Variants in HECTD4 observed in about 807,000 individuals in gnomAD.
The protein encoded by HECTD4 is HECT domain E3 ubiquitin protein ligase 4.
In HECTD4, 114 loss-of-function variants were observed where a neutral mutation model predicts 471.5. That is an observed-to-expected ratio of 0.24 (90% CI 0.21 to 0.28). The LOEUF is 0.28. Ranked by LOEUF, HECTD4 falls within the 10% of genes least tolerant of loss-of-function variation. The probability of loss-of-function intolerance (pLI) is 1.00; values close to 1 mark genes in which losing one functional copy is unlikely to be tolerated. For missense variants in HECTD4, 3,866 were observed against 5,651.5 expected (o/e 0.68, Z 10.13); for synonymous variants, 2,012 against 2,256.0 (o/e 0.89, Z 3.07).
In HECTD4 at chr12:112,256,396, G is replaced by A. The variant is rs779940488; in HGVS notation, c.3251C>T (p.Thr1084Met). The change falls in exon 21 of 76, where the codon ACG (threonine) becomes ATG (methionine). Residue 1084 changes from threonine (T) to methionine (M), a missense_variant. Around this residue, in one of 16 missense-constraint regions of HECTD4, gnomAD observed 281 missense variants for 499.9 expected, o/e 0.56. Transcript: ENST00000682272. ...PVRDNYKFKE[T>M]VHIPGARCLY... ...GCAGCGAGCTCCTGGGATATGGACC[G>A]TTTCTTTAAATTTATAGTTGTCTCT... The A allele has an allele frequency of 3.1e-6, 5 of 1,612,850 alleles. No individual in the cohort carries two copies. The South Asian group carries it at 3.3e-5, about 11-fold the overall frequency.
intron 1 of HECTD4, among the ~76,000 whole-genome samples, chr12:112,379,041 CA>C (rs927070584): frequency 7.5e-5 from 10 of 133,430 alleles, no homozygotes; most frequent in Non-Finnish European, 8.1e-5. Context: ...GACTCCGTCT[CA>C]AAAAAAAAAA....
At chr12:112,374,677 A>G (rs1594085640) in intron 1 of HECTD4, among the ~76,000 whole-genome samples, 1 of 152,308 alleles carries the variant, frequency 6.6e-6, no homozygotes. Flanking sequence ...AAGTACATAA[A>G]CACTTTCCAA....
Position 112,163,172 on chromosome 12 carries a change from C to G in HECTD4, c.12990G>C (p.Leu4330=), listed in dbSNP as rs371880099. ...TGCAGGCAAACTTGATGAACTTGCA[C>G]AGCTCCTCCTGGGTGAACATCTCCA... ...GALEMFTQEE[L]CKFIKFACNQ... is the part of the protein sequence containing the mutation. Residue 4330 remains leucine, a synonymous_variant, in exon 75 of 76, where the codon CTG becomes CTC. Transcript: ENST00000682272. The surrounding 1 kb of genome is among the most constrained non-coding windows in gnomAD (Gnocchi z 8.2). 2.0e-5 allele frequency: 32 copies of G among 1,613,892 alleles called. No homozygotes were observed. The African/African-American group carries it at 3.5e-4, about 17-fold the overall frequency.
intron 9 of HECTD4, among the ~76,000 whole-genome samples, chr12:112,279,022 G>A (rs1339427000): frequency 6.6e-6 from 1 of 152,148 alleles, no homozygotes; most frequent in Non-Finnish European, 1.5e-5. Context: ...TAGGACAATA[G>A]TTTTCAAAAC....
intron 7 of HECTD4, among the ~76,000 whole-genome samples, chr12:112,294,582 T>C (rs1275360537): frequency 6.6e-6 from 1 of 152,180 alleles, no homozygotes; most frequent in Non-Finnish European, 1.5e-5. Context: ...TGTTTTCACA[T>C]CAAACCCCTG....
intron 9 of HECTD4, among the ~76,000 whole-genome samples, chr12:112,276,657 C>T (rs944957848): frequency 2.0e-5 from 3 of 152,080 alleles, no homozygotes; most frequent in South Asian, 2.1e-4. Context: ...ACGTTGGCCA[C>T]GATGGTCTCG....
rs75256229 is a variant in HECTD4, at chr12:112,330,932, GC to G, written c.178-11191del. Among the ~76,000 whole-genome samples, 212 of 152,304 alleles carry G rather than the reference GC, an allele frequency of 1.4e-3. 1 individual carries two copies. In the East Asian group the frequency reaches 0.02, roughly 15 times the overall value. ...GGACATCAGAATATGATTTAGGGCA[GC>G]TGTTCTCAATCCTGAATATTAGAAT... On this transcript the variant is annotated intron_variant, in intron 1 of 75. Transcript: ENST00000682272.
At chr12:112,314,877 C>A (rs921629601) in intron 2 of HECTD4, among the ~76,000 whole-genome samples, 6 of 152,158 alleles carry the variant, frequency 3.9e-5, no homozygotes, top group Admixed American at 3.9e-4. Context: ...TACTATATCA[C>A]CAAGTCACCC....
Position 112,162,511 on chromosome 12 carries a change from G to A in HECTD4, c.13133C>T (p.Ser4378Phe). ...PPDGTAGSPD[S>F]RYIRVETCMF... Reference sequence around the variant, plus strand: ...GCAGGTCTCCACGCGGATGTAGCGAGAGTCTGGGGAACCTACAAGAAACCG... The same window carrying A: ...GCAGGTCTCCACGCGGATGTAGCGAAAGTCTGGGGAACCTACAAGAAACCG... The change falls in exon 76 of 76, where the codon TCT becomes TTT. Residue 4378 changes from serine (S) to phenylalanine (F), a missense_variant. Physicochemically the swap from Ser to Phe is radical, Grantham distance 155. Coordinates refer to ENST00000682272, the MANE Select transcript of HECTD4 (RefSeq NM_001388303.1). This position sits in a 1 kb window ranked among gnomAD's most constrained non-coding sequence, Gnocchi z 5.2. The A allele has an allele frequency of 6.2e-7, 1 of 1,614,020 alleles. No homozygotes were observed. The highest frequency in any genetic ancestry group is 8.5e-7 in the Non-Finnish European group (1 of 1,179,888).
intron 7 of HECTD4, among the ~76,000 whole-genome samples, chr12:112,293,221 C>T (rs2034930973): frequency 6.6e-6 from 1 of 151,564 alleles, no homozygotes; most frequent in East Asian, 1.9e-4. Flanking sequence ...CAAAAATTAG[C>T]TGGGTGTGGT....
chr12:112,164,385 C>T (rs2030839294), intron 72 of HECTD4, 110 bp from the exon 73 acceptor site: 7 of 1,146,848 alleles, frequency 6.1e-6, no homozygotes, highest in East Asian at 4.8e-5. Context: ...CTACCCTCGG[C>T]CGTGTAGATG....
chr12:112,211,186 C>T (rs2032750362), intron 49 of HECTD4, among the ~76,000 whole-genome samples: 2 of 152,086 alleles, frequency 1.3e-5, no homozygotes, highest in African/African-American at 2.4e-5. Context: ...CTCATTTCTA[C>T]TAAAAATACA....
At position 112,193,543 on chromosome 12, in the gene HECTD4, C is replaced by A. The variant is rs778654106; in HGVS notation, c.8881G>T (p.Ala2961Ser). Residue 2961 changes from alanine to serine, a missense_variant, in exon 57 of 76, where the codon GCC becomes TCC. By Grantham distance (99) the Ala-to-Ser change is moderately conservative. This residue lies in a region of HECTD4 where 364 missense variants were observed against 413.2 expected (regional missense o/e 0.88). Coordinates refer to ENST00000682272, the MANE Select transcript of HECTD4 (RefSeq NM_001388303.1). This position sits in a 1 kb window ranked among gnomAD's most constrained non-coding sequence, Gnocchi z 5.2. ...SQTVREWLNV[A>S]ITRTLHQGEE... is the part of the protein sequence containing the mutation. ...CCCTGGTGCAGGGTCCGGGTGATGGCCACGTTGAGCCACTCTCTCACTGTC... is the reference window on the plus strand; with the variant it reads ...CCCTGGTGCAGGGTCCGGGTGATGGACACGTTGAGCCACTCTCTCACTGTC... 2 of 1,612,668 alleles carry A rather than the reference C, an allele frequency of 1.2e-6. No homozygotes were observed. Among genetic ancestry groups the A allele is most frequent in the Non-Finnish European group, 1.7e-6 (2 of 1,179,374 alleles).
intron 1 of HECTD4, among the ~76,000 whole-genome samples, chr12:112,343,266 G>A (rs1279663648): frequency 6.6e-6 from 1 of 152,154 alleles, no homozygotes; most frequent in East Asian, 1.9e-4. Flanking sequence ...CAGCACATAG[G>A]TAGCATTCTT....
In HECTD4 at chr12:112,364,121, T is replaced by G. The variant is rs1169180380; in HGVS notation, c.177+17831A>C. Among the ~76,000 whole-genome samples the G allele has an allele frequency of 3.3e-5, 5 of 150,784 alleles. No individual in the cohort carries two copies. The South Asian group carries it at 1.0e-3, about 32-fold the overall frequency. ...TTTCCTTCTTATCTAAAATGCAAAA[T>G]GGGCTGGGCACGGTGGCTCACGCCT... On this transcript the variant is annotated intron_variant, in intron 1 of 75. Coordinates refer to ENST00000682272, the MANE Select transcript of HECTD4 (RefSeq NM_001388303.1).
chr12:112,252,984 A>T (rs2033927080), intron 22 of HECTD4, among the ~76,000 whole-genome samples: 1 of 147,308 alleles, frequency 6.8e-6, no homozygotes, highest in Admixed American at 6.8e-5. Flanking sequence ...TAATTTTTTT[A>T]TTTTTTTTTT....
At position 112,185,423 on chromosome 12, in the gene HECTD4, G is replaced by A. The variant is rs2031825868; in HGVS notation, c.9543C>T (p.Leu3181=). The A allele has an allele frequency of 6.3e-7, 1 of 1,592,450 alleles. No homozygotes were observed. Among genetic ancestry groups the A allele is most frequent in the Non-Finnish European group, 8.6e-7 (1 of 1,167,852 alleles). Residue 3181 remains leucine (L), a synonymous_variant, in exon 61 of 76, where the codon CTC becomes CTT. Coordinates refer to ENST00000682272, the MANE Select transcript of HECTD4 (RefSeq NM_001388303.1). ...KELVFHLLAE[L]LRTVHTLEQR... is the part of the protein sequence containing the mutation. ...GCTCCAGGGTGTGCACCGTGCGCAG[G>A]AGCTCTGCCAGGAGATGGAAAACAA...
chr12:112,177,206 A>G (rs2031480641), intron 64 of HECTD4, among the ~76,000 whole-genome samples: 1 of 152,188 alleles, frequency 6.6e-6, no homozygotes, highest in Admixed American at 6.5e-5. Flanking sequence ...ATAATGAATT[A>G]ACTTTTAAAA....
chr12:112,284,293 A>G (rs1040255979), intron 7 of HECTD4, among the ~76,000 whole-genome samples: 2 of 152,160 alleles, frequency 1.3e-5, no homozygotes, highest in Non-Finnish European at 2.9e-5. Flanking sequence ...CCCTTTTGTC[A>G]AATCTCTCAT....
Sources: allele counts gnomAD v4.1 joint callset (sites outside exome capture counted in the v4.1 genomes callset), GRCh38; gene constraint gnomAD v4.1.1; regional missense constraint gnomAD v4.1.1; non-coding constraint Gnocchi (gnomAD v3.1); transcripts MANE v1.5; gene names NCBI Gene and HGNC (gene_info 2026-07-23, HGNC 2026-07-21).